Variants in RAMACL observed in about 807,000 individuals in gnomAD.
RAMACL encodes the protein RNA guanine-N7 methyltransferase-activating subunit-like protein.
In RAMACL, 9 loss-of-function variants were observed where a neutral mutation model predicts 13.4. The observed-to-expected ratio is 0.67, with a 90% CI of 0.41 to 1.17. The LOEUF (loss-of-function observed/expected upper bound fraction) is 1.17. RAMACL is among the 50% of genes most tolerant of loss of function. The probability of loss-of-function intolerance (pLI) is 0.01; values close to 1 mark genes in which losing one functional copy is unlikely to be tolerated. For synonymous variants in RAMACL, 39 were observed against 49.3 expected (o/e 0.79, Z 0.88); for missense variants, 124 against 141.6 (o/e 0.88, Z 0.63).
exon 1 of RAMACL, chr6:166,586,199 T>C (rs1400620486): frequency 2.5e-6 from 4 of 1,586,866 alleles, no homozygotes; most frequent in Non-Finnish European, 3.4e-6. Context: ...CTTGTCTGTG[T>C]TGCGGGTAGT....
chr6:166,583,506 G>A (rs1343070536), downstream of RAMACL, among the ~76,000 whole-genome samples: 1 of 152,186 alleles, frequency 6.6e-6, no homozygotes, highest in Admixed American at 6.5e-5. Flanking sequence ...CTGAGCTCTG[G>A]CCAGGCCGTG....
At chr6:166,585,507 T>A (rs1473295205), downstream of RAMACL, among the ~76,000 whole-genome samples, 7 of 122,708 alleles carry the variant, frequency 5.7e-5, 2 homozygotes, top group African/African-American at 4.5e-4. Context: ...TCTTTTTTTT[T>A]TTTTTTTTTT....
chr6:166,585,975 A>T (rs1785156695), exon 1 of RAMACL: 1 of 451,646 alleles, frequency 2.2e-6, no homozygotes, highest in Non-Finnish European at 3.5e-6. Context: ...CGCAAGTAAG[A>T]TCTATTTTTT....
downstream of RAMACL, among the ~76,000 whole-genome samples, chr6:166,584,814 G>T (rs1048238176): frequency 6.6e-6 from 1 of 152,248 alleles, no homozygotes; most frequent in Non-Finnish European, 1.5e-5. Flanking sequence ...CTCATGGAGA[G>T]ACCATGATTG....
Position 166,586,537 on chromosome 6 carries a change from C to T in RAMACL, c.-60G>A, listed in dbSNP as rs557752346. On this transcript the variant is annotated 5_prime_UTR_variant, in exon 1 of 1. Coordinates refer to ENST00000444122, the Ensembl canonical transcript of RAMACL. The stretch of plus-strand genomic sequence containing the variant: ...GCTTAATGTTTAGGTTGTTTAAATC[C>T]GCCAAGGGCTATGTCTATCCAGCTC... 3,672 of 1,505,630 alleles carry T rather than the reference C, an allele frequency of 2.4e-3. 32 individuals are homozygous for T. Among genetic ancestry groups the T allele is most frequent in the Non-Finnish European group, 3.0e-3 (3,380 of 1,113,456 alleles). The allele number at this position is 1,505,630 out of a possible 1,614,324, so 93.3% of individuals were successfully genotyped here.
chr6:166,585,250 G>A (rs1179794711), downstream of RAMACL, among the ~76,000 whole-genome samples: 1 of 152,208 alleles, frequency 6.6e-6, no homozygotes, highest in East Asian at 1.9e-4. Flanking sequence ...AGCCGTCCTC[G>A]CTGGGATGGA....
exon 1 of RAMACL, chr6:166,586,473 G>A: frequency 6.3e-7 from 1 of 1,597,628 alleles, no homozygotes. Context: ...GGCAGTGTCA[G>A]TCATTCTGAA....
chr6:166,585,493 C>G (rs1785139174), downstream of RAMACL, among the ~76,000 whole-genome samples: 1 of 119,606 alleles, frequency 8.4e-6, no homozygotes. Context: ...TGACATCAAA[C>G]AAGTCTTTTT....
chr6:166,585,629 GCA>G (rs1785150228), exon 1 of RAMACL, among the ~76,000 whole-genome samples: 1 of 50,558 alleles, frequency 2.0e-5, no homozygotes, highest in Non-Finnish European at 3.1e-5. Context: ...CTTAACAAAT[GCA>G]AAAAAAAAAA....
downstream of RAMACL, among the ~76,000 whole-genome samples, chr6:166,583,125 C>T (rs1221117830): frequency 6.6e-6 from 1 of 152,198 alleles, no homozygotes; most frequent in East Asian, 1.9e-4. Context: ...GTAAGTTTTA[C>T]TCGCATTCGC....
At chr6:166,583,762 G>A (rs980207383), downstream of RAMACL, among the ~76,000 whole-genome samples, 2 of 152,230 alleles carry the variant, frequency 1.3e-5, no homozygotes, top group African/African-American at 4.8e-5. Context: ...TTCAGTCCAG[G>A]AGGCATCACG....
In RAMACL at chr6:166,586,205, G is replaced by C; in HGVS notation, c.273C>G (p.Tyr91Ter). ...AGTAAGGTTCTTGTCTGTGTTGCGGGTAGTTGTTACCCCAGGATCGTCCAT... is the reference window on the plus strand; with the variant it reads ...AGTAAGGTTCTTGTCTGTGTTGCGGCTAGTTGTTACCCCAGGATCGTCCAT... Residue 91 changes from tyrosine (Y) to a stop codon, truncating the protein, a stop_gained, in exon 1 of 1, where the codon TAC (tyrosine) becomes TAG (stop). Transcript: ENST00000444122. LOFTEE classifies it high-confidence loss of function. 6.3e-7 allele frequency: 1 copy of C among 1,588,242 alleles called. No individual in the cohort carries two copies. Among genetic ancestry groups the C allele is most frequent in the Non-Finnish European group, 8.5e-7 (1 of 1,178,216 alleles).
At chr6:166,584,102 T>C (rs995582002), downstream of RAMACL, among the ~76,000 whole-genome samples, 3 of 152,230 alleles carry the variant, frequency 2.0e-5, no homozygotes, top group East Asian at 3.8e-4. Flanking sequence ...CAAAGTACTA[T>C]GGATTGGGTG....
chr6:166,585,498 C>CT (rs58153048), downstream of RAMACL, among the ~76,000 whole-genome samples: 22,961 of 86,322 alleles, frequency 0.27, 4,026 homozygotes, highest in East Asian at 0.57. Context: ...TCAAACAAGT[C>CT]TTTTTTTTTT....
exon 1 of RAMACL, chr6:166,586,325 T>C: frequency 1.9e-6 from 3 of 1,599,384 alleles, no homozygotes; most frequent in Non-Finnish European, 2.5e-6. Flanking sequence ...CTCTGTTTCT[T>C]TGGTTCCCAC....
exon 1 of RAMACL, chr6:166,586,570 A>AC: frequency 1.6e-6 from 2 of 1,243,338 alleles, no homozygotes; most frequent in Non-Finnish European, 1.1e-6. Context: ...CTCAGGCCGA[A>AC]CCCCGCCGGC....
chr6:166,585,498 C>CTTTTTTTT (rs58153048), downstream of RAMACL, among the ~76,000 whole-genome samples: 2 of 86,302 alleles, frequency 2.3e-5, no homozygotes, highest in Admixed American at 1.3e-4. Context: ...TCAAACAAGT[C>CTTTTTTTT]TTTTTTTTTT....
downstream of RAMACL, among the ~76,000 whole-genome samples, chr6:166,584,738 T>C (rs1447163985): frequency 3.9e-5 from 6 of 152,248 alleles, no homozygotes; most frequent in Non-Finnish European, 7.3e-5. Context: ...TACGCTGTCA[T>C]GCCAAGTTTT....
exon 1 of RAMACL, among the ~76,000 whole-genome samples, chr6:166,586,654 C>T (rs529558331): frequency 8.0e-6 from 1 of 124,604 alleles, no homozygotes; most frequent in Non-Finnish European, 1.5e-5. Flanking sequence ...TCCAGTTCTC[C>T]AATGTAACCG....
Sources: gnomAD v4.1 joint callset for allele counts (sites outside exome capture counted in the v4.1 genomes callset) on GRCh38, gnomAD v4.1.1 for gene constraint, MANE v1.5 for transcripts, NCBI Gene and HGNC (gene_info 2026-07-23, HGNC 2026-07-21) for gene names.